The following NUDT18 variants were observed in gnomAD, a reference collection of about 807,000 sequenced individuals.
NUDT18 encodes the protein nudix hydrolase 18.
NUDT18 carries 26 observed loss-of-function variants against 27.6 expected under a neutral mutation model. The observed-to-expected ratio is 0.94, with a 90% CI of 0.69 to 1.31. NUDT18 has a LOEUF of 1.31. NUDT18 is among the 50% of genes most tolerant of loss of function. The pLI is 0.00. For synonymous variants in NUDT18, 220 were observed against 196.9 expected, an observed-to-expected ratio of 1.12 and a Z score of -0.98; for missense variants, 450 against 433.4, an observed-to-expected ratio of 1.04 and a Z score of -0.34.
chr8:22,107,327 T>A lies in NUDT18; in HGVS notation c.945A>T (p.Gly315=), dbSNP rs1463962093. The A allele has an allele frequency of 5.6e-6, 9 of 1,609,808 alleles. No individual in the cohort carries two copies. In the East Asian group the frequency reaches 1.6e-4, roughly 28 times the overall value. Residue 315 remains glycine, a synonymous_variant, in exon 3 of 3, where the codon GGA becomes GGT. Transcript: ENST00000611621. ...ATCTGTTCACTGGGACAACAGAGGATCCCTGAAGCCGCTGGAGGAGCTGGC... is the reference window on the plus strand; with the variant it reads ...ATCTGTTCACTGGGACAACAGAGGAACCCTGAAGCCGCTGGAGGAGCTGGC... ...LQSQLLQRLQ[G]SSVVPVNR is the part of the protein sequence containing the mutation.
In NUDT18 at chr8:22,107,905, A is replaced by T; in HGVS notation, c.377-10T>A. The T allele has an allele frequency of 6.4e-7, 1 of 1,556,296 alleles. No individual in the cohort carries two copies. Among genetic ancestry groups the T allele is most frequent in the Non-Finnish European group, 8.7e-7 (1 of 1,146,418 alleles). On this transcript the variant is annotated splice_polypyrimidine_tract_variant and intron_variant, in intron 2 of 2. Transcript: ENST00000611621. ...GTCTTGAGAATTCCACCTGGGGGAG[A>T]TGTGGGGGATGGGGCAGGGAGGGTC... is the stretch of plus-strand genomic sequence containing the variant.
Position 22,109,176 on chromosome 8 carries a change from A to C in NUDT18, c.125T>G (p.Val42Gly). ...PPAPVRLRKN[V>G]CYVVLAVFLS... ...GAACACGGCCAGCACCACGTAGCAC[A>C]CGTTCTTCCGCAGCCGCACGGGCGC... Residue 42 changes from valine to glycine, a missense_variant, in exon 1 of 3, where the codon GTG becomes GGG. By Grantham distance (109) the Val-to-Gly change is moderately radical. Transcript: ENST00000611621. 1 of 1,454,608 alleles carries C rather than the reference A, an allele frequency of 6.9e-7. No individual in the cohort carries two copies. 90.1% of individuals were successfully genotyped at this position (1,454,608 alleles called of 1,614,324 possible). A position where few individuals can be genotyped will look rare whatever the true frequency, so the allele number is the denominator to read the frequency against.
upstream of NUDT18, chr8:22,109,583 G>A: frequency 1.9e-6 from 1 of 522,404 alleles, no homozygotes; most frequent in Non-Finnish European, 3.7e-6. Context: ...CCGGAGCCCA[G>A]CGGACCCCGC....
Position 22,108,301 on chromosome 8 carries a change from AC to A in NUDT18, c.207del (p.Ser70ArgfsTer23). The A allele has an allele frequency of 1.9e-6, 3 of 1,587,856 alleles. No homozygotes were observed. Among genetic ancestry groups the A allele is most frequent in the Admixed American group, 1.8e-5 (1 of 55,672 alleles). ...ATTCTCCCCGCAGGCAGGTACCACGACCCCCGGCACTCCCTCTTGGCCTCCT... is the reference window on the plus strand; with the variant it reads ...ATTCTCCCCGCAGGCAGGTACCACGACCCCGGCACTCCCTCTTGGCCTCCT... ...LIQEAKRECR[G>X]SWYLPAGRME... On this transcript the variant is annotated frameshift_variant, in exon 2 of 3. Transcript: ENST00000611621. LOFTEE classifies it high-confidence loss of function.
Position 22,107,371 on chromosome 8 carries a change from T to C in NUDT18, c.901A>G (p.Met301Val), listed in dbSNP as rs768192253. ...AGCTGGCTTTGCAGGTCTTCCTCCA[T>C]CACCTTCCACCAAGAGAAGTTCTCA... ...RGENFSWWKVMEEDLQSQLLQ... is the reference protein window; with the variant it reads ...RGENFSWWKVVEEDLQSQLLQ... Residue 301 changes from methionine to valine, a missense_variant, in exon 3 of 3, where the codon ATG becomes GTG. Coordinates refer to ENST00000611621, the MANE Select transcript of NUDT18 (RefSeq NM_024815.4). 3 of 1,613,566 alleles carry C rather than the reference T, an allele frequency of 1.9e-6. No individual in the cohort carries two copies. Among genetic ancestry groups the C allele is most frequent in the Admixed American group, 3.3e-5 (2 of 60,002 alleles).
chr8:22,107,295 CCT>C lies in NUDT18; in HGVS notation c.*3_*4del, dbSNP rs781604205. ...GCCTAGCTCCCTGTCACCTCCCCCA[CCT>C]CTCTATCTGTTCACTGGGACAACAG... On this transcript the variant is annotated 3_prime_UTR_variant, in exon 3 of 3. Coordinates refer to ENST00000611621, the MANE Select transcript of NUDT18 (RefSeq NM_024815.4). 1.3e-5 allele frequency: 21 copies of C among 1,582,620 alleles called. No homozygotes were observed. The highest frequency in any genetic ancestry group is 6.7e-5 in the African/African-American group (5 of 74,386).
rs1038816231 is a variant in NUDT18, at chr8:22,107,171, C to G, written c.*129G>C. Reference sequence around the variant, plus strand: ...TCCTCAAAGCATCTCTCCTGGGGACCAGGAGAGCCGCCCCTGCTCCCAATG... The same window carrying G: ...TCCTCAAAGCATCTCTCCTGGGGACGAGGAGAGCCGCCCCTGCTCCCAATG... On this transcript the variant is annotated 3_prime_UTR_variant, in exon 3 of 3. Coordinates refer to ENST00000611621, the MANE Select transcript of NUDT18 (RefSeq NM_024815.4). 5 of 678,564 alleles carry G rather than the reference C, an allele frequency of 7.4e-6. No homozygotes were observed. Among genetic ancestry groups the G allele is most frequent in the Non-Finnish European group, 1.2e-5 (5 of 402,016 alleles). 42.0% of individuals were successfully genotyped at this position (678,564 alleles called of 1,614,324 possible).
In NUDT18 at chr8:22,108,270, G is replaced by A; in HGVS notation, c.239C>T (p.Pro80Leu). The A allele has an allele frequency of 1.3e-6, 2 of 1,597,142 alleles. No homozygotes were observed. Among genetic ancestry groups the A allele is most frequent in the Non-Finnish European group, 1.7e-6 (2 of 1,172,852 alleles). The change falls in exon 2 of 3, where the codon CCA becomes CTA. Residue 80 changes from proline to leucine, a missense_variant. Coordinates refer to ENST00000611621, the MANE Select transcript of NUDT18 (RefSeq NM_024815.4). ...SWYLPAGRME[P>L]GETIVEALQR... Reference sequence around the variant, plus strand: ...CAGCGCCTCCACGATGGTCTCCCCTGGCTCCATTCTCCCCGCAGGCAGGTA... The same window carrying A: ...CAGCGCCTCCACGATGGTCTCCCCTAGCTCCATTCTCCCCGCAGGCAGGTA...
chr8:22,109,115 G>A, intron 1 of NUDT18, 24 bp downstream of exon 1: 1 of 1,394,674 alleles, frequency 7.2e-7, no homozygotes, highest in Admixed American at 3.7e-5. Flanking sequence ...CCGAGGCCCG[G>A]CGGGCCCGGG....
rs1586359909 is a variant in NUDT18 at position 22,108,234 on chromosome 8, A to C, written c.275T>G (p.Val92Gly). The change falls in exon 2 of 3, where the codon GTG becomes GGG. Residue 92 changes from valine (V) to glycine (G), a missense_variant. Val to Gly is a moderately radical substitution (Grantham distance 109, BLOSUM62 -3). Coordinates refer to ENST00000611621, the MANE Select transcript of NUDT18 (RefSeq NM_024815.4). ...ACAGTGCAGCCCCGCCTCCTCCTTC[A>C]CCTCCCGCTGCAGCGCCTCCACGAT... ...ETIVEALQRE[V>G]KEEAGLHCEP... 6.3e-7 allele frequency: 1 copy of C among 1,593,924 alleles called. No individual in the cohort carries two copies. The highest frequency in any genetic ancestry group is 8.5e-7 in the Non-Finnish European group (1 of 1,171,474).
At chr8:22,108,452 C>G in intron 1 of NUDT18, 106 bp from the exon 2 acceptor site, 12 of 957,908 alleles carry the variant, frequency 1.3e-5, no homozygotes, top group Non-Finnish European at 1.4e-5. Context: ...GGTGGACACT[C>G]TCAACCCAGC....
In NUDT18 at chr8:22,107,426, C is replaced by T. The variant is rs1563609461; in HGVS notation, c.846G>A (p.Gly282=). 1 of 1,613,448 alleles carries T rather than the reference C, an allele frequency of 6.2e-7. No homozygotes were observed. ...GAACTTTTGGGGGTTCATCCTGGATCCCTGGGCTCCGAAAAGCCACGGTCA... is the reference window on the plus strand; with the variant it reads ...GAACTTTTGGGGGTTCATCCTGGATTCCTGGGCTCCGAAAAGCCACGGTCA... ...VLVTVAFRSP[G]IQDEPPKVRG... The change falls in exon 3 of 3, where the codon GGG becomes GGA. Residue 282 remains glycine (G), a synonymous_variant. Transcript: ENST00000611621.
rs1207746132 is a variant in NUDT18, at chr8:22,107,184, C to T, written c.*116G>A. ...TCTCCTGGGGACCAGGAGAGCCGCCCCTGCTCCCAATGCAACAAGATCCCT... is the reference window on the plus strand; with the variant it reads ...TCTCCTGGGGACCAGGAGAGCCGCCTCTGCTCCCAATGCAACAAGATCCCT... On this transcript the variant is annotated 3_prime_UTR_variant, in exon 3 of 3. Transcript: ENST00000611621. 4.0e-6 allele frequency: 3 copies of T among 754,600 alleles called. No individual in the cohort carries two copies. Among genetic ancestry groups the T allele is most frequent in the Admixed American group, 2.9e-5 (1 of 34,552 alleles). 46.7% of individuals were successfully genotyped at this position (754,600 alleles called of 1,614,324 possible).
intron 1 of NUDT18, 31 bp downstream of exon 1, chr8:22,109,108 A>G: frequency 1.4e-6 from 2 of 1,384,840 alleles, no homozygotes; most frequent in South Asian, 1.6e-5. Context: ...CGCGCTCCCG[A>G]GGCCCGGCGG....
At position 22,107,781 on chromosome 8, in the gene NUDT18, T is replaced by A. The variant is rs748604343; in HGVS notation, c.491A>T (p.Glu164Val). The A allele has an allele frequency of 5.6e-6, 9 of 1,613,364 alleles. No individual in the cohort carries two copies. In the East Asian group the frequency reaches 2.0e-4, roughly 36 times the overall value. ...TTGCTGGCGATACTGGGCGGCTAGTTCAACCAGGTGCAGGATGTCATGGGC... is the reference window on the plus strand; with the variant it reads ...TTGCTGGCGATACTGGGCGGCTAGTACAACCAGGTGCAGGATGTCATGGGC... ...LRAHDILHLV[E>V]LAAQYRQQAR... Residue 164 changes from glutamate (E) to valine (V), a missense_variant, in exon 3 of 3, where the codon GAA becomes GTA. Physicochemically the swap from Glu to Val is moderately radical, Grantham distance 121. Coordinates refer to ENST00000611621, the MANE Select transcript of NUDT18 (RefSeq NM_024815.4).
In NUDT18 at chr8:22,107,855, G is replaced by C; in HGVS notation, c.417C>G (p.Ser139=). The change falls in exon 3 of 3, where the codon TCC becomes TCG. Residue 139 remains serine (S), a synonymous_variant. Transcript: ENST00000611621. The part of the protein sequence containing the change: ...LKTSKEADAE[S]LQAAWYPRTS... ...TCCGTGGGTACCAGGCAGCCTGCAG[G>C]GACTCCGCATCGGCCTCCTTGGAAG... 1 of 1,603,776 alleles carries C rather than the reference G, an allele frequency of 6.2e-7. No homozygotes were observed. Among genetic ancestry groups the C allele is most frequent in the Non-Finnish European group, 8.5e-7 (1 of 1,174,054 alleles).
chr8:22,109,515 G>A (rs1826433854), upstream of NUDT18: 1 of 463,806 alleles, frequency 2.2e-6, no homozygotes, highest in Non-Finnish European at 3.7e-6. Flanking sequence ...CCGGCCCGCG[G>A]CATTCACCGA....
rs557805207 is a variant in NUDT18, at chr8:22,107,158, C to G, written c.*142G>C. 1.6e-6 allele frequency: 1 copy of G among 633,736 alleles called. No homozygotes were observed. Among genetic ancestry groups the G allele is most frequent in the Non-Finnish European group, 2.7e-6 (1 of 363,904 alleles). 39.3% of individuals were successfully genotyped at this position (633,736 alleles called of 1,614,324 possible). A position where few individuals can be genotyped will look rare whatever the true frequency, so the allele number is the denominator to read the frequency against. On this transcript the variant is annotated 3_prime_UTR_variant, in exon 3 of 3. Transcript: ENST00000611621. ...TCTAGAGGAATGCTCCTCAAAGCATCTCTCCTGGGGACCAGGAGAGCCGCC... is the reference window on the plus strand; with the variant it reads ...TCTAGAGGAATGCTCCTCAAAGCATGTCTCCTGGGGACCAGGAGAGCCGCC...
rs1296809717 is a variant in NUDT18, at chr8:22,109,162, G to C, written c.139C>G (p.Leu47Val). The change falls in exon 1 of 3, where the codon CTG becomes GTG. Residue 47 changes from leucine (L) to valine (V), a missense_variant. Leu to Val is a conservative substitution (Grantham distance 32, BLOSUM62 1). Transcript: ENST00000611621. The stretch of plus-strand genomic sequence containing the variant: ...ACCTGCTCGCTGAGGAACACGGCCA[G>C]CACCACGTAGCACACGTTCTTCCGC... ...RLRKNVCYVV[L>V]AVFLSEQDEV... The C allele has an allele frequency of 2.1e-6, 3 of 1,451,888 alleles. No homozygotes were observed. In the East Asian group the frequency reaches 9.0e-5, roughly 44 times the overall value. 89.9% of individuals were successfully genotyped at this position (1,451,888 alleles called of 1,614,324 possible). A position where few individuals can be genotyped will look rare whatever the true frequency, so the allele number is the denominator to read the frequency against.
Sources: gnomAD v4.1 joint callset for allele counts on GRCh38, gnomAD v4.1.1 for gene constraint, MANE v1.5 for transcripts, NCBI Gene and HGNC (gene_info 2026-07-23, HGNC 2026-07-21) for gene names.